Variants in AKAP11 observed in about 807,000 individuals in gnomAD.
The protein encoded by AKAP11 is A-kinase anchoring protein 11.
In AKAP11, 36 loss-of-function variants were observed where a neutral mutation model predicts 146.1. The observed-to-expected ratio is 0.25, with a 90% confidence interval of 0.19 to 0.33. The LOEUF is 0.33. AKAP11 is among the 10% of genes least tolerant of loss of function. The probability of loss-of-function intolerance (pLI) is 1.00; values close to 1 mark genes in which losing one functional copy is unlikely to be tolerated. For missense variants in AKAP11, 2,201 were observed against 2,197.0 expected (o/e 1.00, Z -0.04); for synonymous variants, 780 against 786.5 (o/e 0.99, Z 0.14).
In AKAP11 at chr13:42,299,326, T is replaced by A. The variant is rs572941031; in HGVS notation, c.617-37T>A. On this transcript the variant is annotated intron_variant, in intron 7 of 12. Transcript: ENST00000025301. ...TAAGTTAATTTCCAAAAAGTTTTGTTCAAAAATAATTTCACCATTTCATTC... is the reference window on the plus strand; with the variant it reads ...TAAGTTAATTTCCAAAAAGTTTTGTACAAAAATAATTTCACCATTTCATTC... 1.5e-4 allele frequency: 225 copies of A among 1,543,414 alleles called. 6 individuals are homozygous for A. The South Asian group carries it at 2.6e-3, about 18-fold the overall frequency.
chr13:42,304,545 T>C (rs1274528085), intron 8 of AKAP11, among the ~76,000 whole-genome samples: 1 of 152,216 alleles, frequency 6.6e-6, no homozygotes, highest in Non-Finnish European at 1.5e-5. Flanking sequence ...AATTTACTAT[T>C]CTGAGATTAA....
At chr13:42,272,670 C>G (rs1461816831) in intron 1 of AKAP11, among the ~76,000 whole-genome samples, 1 of 152,150 alleles carries the variant, frequency 6.6e-6, no homozygotes, top group East Asian at 1.9e-4. Flanking sequence ...ACTTTGTTCC[C>G]GAACAGCATC....
At chr13:42,294,047 A>G (rs1447446929) in intron 4 of AKAP11, among the ~76,000 whole-genome samples, 1 of 152,238 alleles carries the variant, frequency 6.6e-6, no homozygotes, top group Non-Finnish European at 1.5e-5. Flanking sequence ...CTAGATGCCT[A>G]GAAGTTAACT....
chr13:42,310,147 A>G (rs1960480808), intron 9 of AKAP11, among the ~76,000 whole-genome samples: 1 of 152,248 alleles, frequency 6.6e-6, no homozygotes. Context: ...TTAGGCTCAG[A>G]AAATTAATGA....
chr13:42,298,037 G>A (rs143827176), intron 6 of AKAP11, among the ~76,000 whole-genome samples: 1 of 152,114 alleles, frequency 6.6e-6, no homozygotes, highest in African/African-American at 2.4e-5. Context: ...TATAAACATT[G>A]TAAGTTGTAA....
chr13:42,293,926 C>G (rs562774359), intron 4 of AKAP11, among the ~76,000 whole-genome samples: 6 of 152,262 alleles, frequency 3.9e-5, no homozygotes, highest in African/African-American at 1.4e-4. Context: ...CTGTAATGTG[C>G]TAGGCACTTT....
chr13:42,304,256 C>T (rs4942106), intron 8 of AKAP11, among the ~76,000 whole-genome samples: 31,033 of 152,130 alleles, frequency 0.2, 4,356 homozygotes, highest in East Asian at 0.54. Flanking sequence ...CAGAAATAAG[C>T]GATTCGTAAG....
Position 42,299,555 on chromosome 13 carries a change from C to T in AKAP11, c.809C>T (p.Thr270Ile), listed in dbSNP as rs142921050. Residue 270 changes from threonine (T) to isoleucine (I), a missense_variant, in exon 8 of 13, where the codon ACA becomes ATA. Coordinates refer to ENST00000025301, the MANE Select transcript of AKAP11 (RefSeq NM_016248.4). ...ELPSVKTSVT[T>I]SISEPWTQRS... ...CCTTCTGTGAAAACTTCAGTCACAA[C>T]ATCAATTTCAGAGCCTTGGACCCAA... is the stretch of plus-strand genomic sequence containing the variant. The T allele has an allele frequency of 1.9e-6, 3 of 1,613,846 alleles. No individual in the cohort carries two copies. The highest frequency in any genetic ancestry group is 1.7e-5 in the Admixed American group (1 of 59,992).
At chr13:42,308,317 G>GGTCT (rs1960380883) in intron 8 of AKAP11, 137 bp from the exon 9 acceptor site, 2 of 671,798 alleles carry the variant, frequency 3.0e-6, no homozygotes, top group African/African-American at 3.6e-5. Context: ...CTCAAATAAA[G>GGTCT]GATTACATGA....
At position 42,298,751 on chromosome 13, in the gene AKAP11, T is replaced by G; in HGVS notation, c.570T>G (p.Ala190=). 6.3e-7 allele frequency: 1 copy of G among 1,599,548 alleles called. No homozygotes were observed. Among genetic ancestry groups the G allele is most frequent in the South Asian group, 1.1e-5 (1 of 87,744 alleles). ...VSSIEDDFVT[A]FEHLEEEETS... ...CCATAGAGGATGACTTTGTCACTGC[T>G]TTTGAGCACTTAGAAGAGGAAGAGA... Residue 190 remains alanine (A), a synonymous_variant, in exon 7 of 13, where the codon GCT becomes GCG. Coordinates refer to ENST00000025301, the MANE Select transcript of AKAP11 (RefSeq NM_016248.4).
At chr13:42,295,018 T>C (rs1959424123) in intron 4 of AKAP11, among the ~76,000 whole-genome samples, 1 of 152,206 alleles carries the variant, frequency 6.6e-6, no homozygotes, top group South Asian at 2.1e-4. Flanking sequence ...TTATATAAAG[T>C]TCTGCAGAGT....
At position 42,300,171 on chromosome 13, in the gene AKAP11, T is replaced by C. The variant is rs771987690; in HGVS notation, c.1425T>C (p.Asp475=). Residue 475 remains aspartate (D), a synonymous_variant, in exon 8 of 13, where the codon GAT becomes GAC. Transcript: ENST00000025301. ...ECFCQTDIGG[D]RIHENHDSVY... is the part of the protein sequence containing the mutation. Reference sequence around the variant, plus strand: ...TTTGCCAAACAGATATTGGTGGAGATAGGATTCATGAAAATCATGATTCTG... The same window carrying C: ...TTTGCCAAACAGATATTGGTGGAGACAGGATTCATGAAAATCATGATTCTG... The C allele has an allele frequency of 6.8e-6, 11 of 1,613,818 alleles. No individual in the cohort carries two copies. In the African/African-American group the frequency reaches 1.3e-4, roughly 20 times the overall value.
intron 6 of AKAP11, among the ~76,000 whole-genome samples, chr13:42,297,738 T>G (rs190621374): frequency 0.01 from 1,551 of 152,074 alleles, 8 homozygotes; most frequent in Non-Finnish European, 0.018. Context: ...ATGCTTTGCA[T>G]TCTAAGAGAT....
In AKAP11 at chr13:42,299,883, C is replaced by G. The variant is rs1309159351; in HGVS notation, c.1137C>G (p.Val379=). 7 of 1,613,852 alleles carry G rather than the reference C, an allele frequency of 4.3e-6. No homozygotes were observed. The East Asian group carries it at 6.7e-5, about 15-fold the overall frequency. The change falls in exon 8 of 13, where the codon GTC becomes GTG. Residue 379 remains valine, a synonymous_variant. Transcript: ENST00000025301. ...CTTGCCTGTTTAACAAAGATCCCGT[C>G]ATAGGGAAGTCATCGCAGAGGAAAG... The part of the protein sequence containing the change: ...LETCLFNKDP[V]IGKSSQRKGH...
intron 1 of AKAP11, among the ~76,000 whole-genome samples, chr13:42,274,931 C>T (rs369460782): frequency 7.2e-5 from 11 of 152,154 alleles, no homozygotes; most frequent in African/African-American, 2.4e-4. Context: ...TCATACCCAC[C>T]TCAAAAAGTT....
In AKAP11 at chr13:42,300,231, T is replaced by G. The variant is rs201680883; in HGVS notation, c.1485T>G (p.Ile495Met). The G allele has an allele frequency of 4.0e-5, 64 of 1,613,942 alleles. No homozygotes were observed. In the East Asian group the frequency reaches 1.2e-3, roughly 30 times the overall value. The change falls in exon 8 of 13, where the codon ATT (isoleucine) becomes ATG (methionine). Residue 495 changes from isoleucine (I) to methionine (M), a missense_variant. By Grantham distance (10) the Ile-to-Met change is conservative. This residue lies in a region of AKAP11 where 1,867 missense variants were observed against 1,833.5 expected (regional missense o/e 1.02). Coordinates refer to ENST00000025301, the MANE Select transcript of AKAP11 (RefSeq NM_016248.4). Reference sequence around the variant, plus strand: ...CCTATGAAGACTATGCAAAAAGCATTTCATGTGAAGTACTAGGCTCAGTTC... The same window carrying G: ...CCTATGAAGACTATGCAAAAAGCATGTCATGTGAAGTACTAGGCTCAGTTC... Reference protein sequence around the residue: ...YYTYEDYAKSISCEVLGSVLR... With the variant: ...YYTYEDYAKSMSCEVLGSVLR...
In AKAP11 at chr13:42,322,741, A is replaced by G. The variant is rs575806690; in HGVS notation, c.*3513A>G. ...ATTCCTGCTCTGAAGATGTGGATAC[A>G]GAATTAGTCACTCTTGTCACTTTAT... On this transcript the variant is annotated 3_prime_UTR_variant, in exon 13 of 13. Coordinates refer to ENST00000025301, the MANE Select transcript of AKAP11 (RefSeq NM_016248.4). 6.5e-6 allele frequency: 1 copy of G among 152,760 alleles called. No homozygotes were observed. Among genetic ancestry groups the G allele is most frequent in the Non-Finnish European group, 1.5e-5 (1 of 68,002 alleles). 9.5% of individuals were successfully genotyped at this position (152,760 alleles called of 1,614,324 possible).
At chr13:42,271,538 T>C (rs75107123), upstream of AKAP11, among the ~76,000 whole-genome samples, 1,628 of 152,334 alleles carry the variant, frequency 0.011, 25 homozygotes, top group African/African-American at 0.037. Flanking sequence ...CTGGTGGGGC[T>C]GCCACTTTGG....
chr13:42,299,167 A>G (rs751266818), intron 7 of AKAP11, among the ~76,000 whole-genome samples, 196 bp from the exon 8 acceptor site: 3 of 152,184 alleles, frequency 2.0e-5, no homozygotes, highest in African/African-American at 4.8e-5. Flanking sequence ...ATCCCTAGAC[A>G]TAGAGTAAAC....
Sources: gnomAD v4.1 joint callset for allele counts (sites outside exome capture counted in the v4.1 genomes callset) on GRCh38, gnomAD v4.1.1 for gene constraint, gnomAD v4.1.1 regional missense constraint, MANE v1.5 for transcripts, NCBI Gene and HGNC (gene_info 2026-07-23, HGNC 2026-07-21) for gene names.